Variants in DISP1 observed in about 807,000 individuals in gnomAD.
DISP1 encodes protein dispatched homolog 1.
A neutral mutation model predicts 37.3 loss-of-function variants in DISP1; 30 were observed. The ratio of observed to expected loss-of-function variants is 0.80; its 90% CI spans 0.60 to 1.09. The LOEUF is 1.09. Ranked by LOEUF, DISP1 falls within the 50% of genes least tolerant of loss-of-function variation. The probability of loss-of-function intolerance (pLI) is 0.00; values close to 1 mark genes in which losing one functional copy is unlikely to be tolerated. For synonymous variants in DISP1, 634 were observed against 690.2 expected (o/e 0.92, Z 1.28); for missense variants, 1,598 against 1,879.5 (o/e 0.85, Z 2.77).
At chr1:222,821,499 T>C (rs1338860584) in intron 1 of DISP1, among the ~76,000 whole-genome samples, 1 of 152,136 alleles carries the variant, frequency 6.6e-6, no homozygotes, top group African/African-American at 2.4e-5. Context: ...GGGACCTGGT[T>C]GAAGGTGATT....
chr1:222,848,947 A>C (rs1316794884), intron 1 of DISP1, among the ~76,000 whole-genome samples: 1 of 152,100 alleles, frequency 6.6e-6, no homozygotes, highest in African/African-American at 2.4e-5. Context: ...GCTTGATTGT[A>C]CCTCACCATA....
At chr1:222,974,172 T>A (rs1677152547) in intron 3 of DISP1, among the ~76,000 whole-genome samples, 1 of 152,204 alleles carries the variant, frequency 6.6e-6, no homozygotes, top group Non-Finnish European at 1.5e-5. Context: ...CATTTTTGGA[T>A]GAAAAAATAA....
intron 4 of DISP1, among the ~76,000 whole-genome samples, chr1:222,986,742 A>G (rs1678302631): frequency 6.6e-6 from 1 of 152,174 alleles, no homozygotes; most frequent in African/African-American, 2.4e-5. Context: ...GAACTTTTAT[A>G]CAGCAGTGCC....
At chr1:222,900,168 G>A (rs1365701309) in intron 1 of DISP1, among the ~76,000 whole-genome samples, 18 of 152,070 alleles carry the variant, frequency 1.2e-4, no homozygotes, top group Admixed American at 1.2e-3. Flanking sequence ...ATTGAATATA[G>A]TACAGCAGTT....
chr1:222,982,431 A>C (rs1179651159), intron 3 of DISP1, among the ~76,000 whole-genome samples: 1 of 152,220 alleles, frequency 6.6e-6, no homozygotes, highest in Non-Finnish European at 1.5e-5. Flanking sequence ...ATAGGAATAC[A>C]AAGTTTGGAG....
intron 1 of DISP1, among the ~76,000 whole-genome samples, chr1:222,864,245 G>A (rs1669051093): frequency 6.6e-6 from 1 of 152,114 alleles, no homozygotes; most frequent in Non-Finnish European, 1.5e-5. Flanking sequence ...TATATCCCAA[G>A]TATCTTGTTC....
At chr1:222,989,428 G>C (rs948928065) in intron 4 of DISP1, 2 of 985,224 alleles carry the variant, frequency 2.0e-6, no homozygotes, top group African/African-American at 1.7e-5. Flanking sequence ...GCTTCTGTTG[G>C]GTACTCAGCT....
intron 1 of DISP1, among the ~76,000 whole-genome samples, chr1:222,875,246 G>T (rs978542856): frequency 1.6e-4 from 25 of 151,966 alleles, no homozygotes; most frequent in African/African-American, 5.8e-4. Context: ...CCAGGAGGCG[G>T]AGGTTGCAGT....
chr1:222,959,700 C>A (rs1244095810), intron 3 of DISP1, among the ~76,000 whole-genome samples: 97 of 111,772 alleles, frequency 8.7e-4, no homozygotes, highest in South Asian at 1.2e-3. Context: ...AACTCTGTCT[C>A]AAAAAAAAAA....
At chr1:222,932,028 A>AT (rs1023766106) in intron 2 of DISP1, among the ~76,000 whole-genome samples, 1 of 151,970 alleles carries the variant, frequency 6.6e-6, no homozygotes. Flanking sequence ...AACAAGAGCA[A>AT]TAAAAAAAAG....
At chr1:222,908,226 A>G (rs1672017066) in intron 1 of DISP1, among the ~76,000 whole-genome samples, 1 of 152,186 alleles carries the variant, frequency 6.6e-6, no homozygotes, top group Admixed American at 6.5e-5. Context: ...TGATCTTAGA[A>G]GATAAAGTTA....
rs377202909 is a variant in DISP1 at position 222,956,468 on chromosome 1, T to A, written c.509+13136T>A. On this transcript the variant is annotated intron_variant, in intron 3 of 8. Transcript: ENST00000675850. ...AAGGTTATATATTCTGGATCTTTGT[T>A]TTTTAGGTATTAGTCTAGAACTTTA... Among the ~76,000 whole-genome samples, 6 of 152,318 alleles carry A rather than the reference T, an allele frequency of 3.9e-5. No homozygotes were observed. The East Asian group carries it at 7.7e-4, about 20-fold the overall frequency.
In DISP1 at chr1:222,942,869, A is replaced by G; in HGVS notation, c.46A>G (p.Ser16Gly). Residue 16 changes from serine to glycine, a missense_variant, in exon 3 of 9, where the codon AGC becomes GGC. Transcript: ENST00000675850. Reference protein sequence around the residue: ...GNNDFVVLSNSSIATSAANPS... With the variant: ...GNNDFVVLSNGSIATSAANPS... ...CAATGATTTTGTGGTTCTGAGCAAC[A>G]GCAGCATCGCAACCAGTGCTGCTAA... 1 of 1,614,196 alleles carries G rather than the reference A, an allele frequency of 6.2e-7. No homozygotes were observed. The highest frequency in any genetic ancestry group is 8.5e-7 in the Non-Finnish European group (1 of 1,180,036).
At chr1:222,888,828 G>A (rs914714488) in intron 1 of DISP1, among the ~76,000 whole-genome samples, 1 of 152,052 alleles carries the variant, frequency 6.6e-6, no homozygotes, top group African/African-American at 2.4e-5. Flanking sequence ...GTGTGTGTGT[G>A]TGTGTTTCTA....
intron 3 of DISP1, among the ~76,000 whole-genome samples, chr1:222,945,240 G>C (rs1048486870): frequency 6.6e-6 from 1 of 152,164 alleles, no homozygotes; most frequent in Admixed American, 6.5e-5. Flanking sequence ...GACTGGCTTT[G>C]AGAGTCGTTT....
At position 223,004,824 on chromosome 1, in the gene DISP1, A is replaced by T; in HGVS notation, c.3427A>T (p.Ile1143Phe). The T allele has an allele frequency of 6.2e-7, 1 of 1,611,074 alleles. No individual in the cohort carries two copies. Among genetic ancestry groups the T allele is most frequent in the Admixed American group, 1.7e-5 (1 of 60,012 alleles). The part of the protein sequence containing the change: ...CLGPQGTCGQ[I>F]PLPKKLQCSA... Reference sequence around the variant, plus strand: ...TGGACCACAGGGTACCTGTGGTCAGATTCCTTTACCTAAAAAACTACAGTG... The same window carrying T: ...TGGACCACAGGGTACCTGTGGTCAGTTTCCTTTACCTAAAAAACTACAGTG... The change falls in exon 9 of 9, where the codon ATT becomes TTT. Residue 1143 changes from isoleucine to phenylalanine, a missense_variant. By Grantham distance (21) the Ile-to-Phe change is conservative (BLOSUM62 0). Transcript: ENST00000675850. This position sits in a 1 kb window ranked among gnomAD's most constrained non-coding sequence, Gnocchi z 4.9.
chr1:222,902,938 A>G (rs1671680274), intron 1 of DISP1, among the ~76,000 whole-genome samples: 1 of 151,792 alleles, frequency 6.6e-6, no homozygotes, highest in Admixed American at 6.6e-5. Context: ...TGACCCAGCC[A>G]TCCCATTACT....
At chr1:222,972,261 A>G (rs968754262) in intron 3 of DISP1, among the ~76,000 whole-genome samples, 4 of 152,056 alleles carry the variant, frequency 2.6e-5, no homozygotes, top group African/African-American at 9.7e-5. Context: ...ATTTTGATTC[A>G]CATATTGATA....
At chr1:222,929,587 T>C (rs944175885) in intron 2 of DISP1, among the ~76,000 whole-genome samples, 1 of 152,160 alleles carries the variant, frequency 6.6e-6, no homozygotes, top group Non-Finnish European at 1.5e-5. Flanking sequence ...ATAATATTTA[T>C]AATTAAGAAA....
Sources: allele counts gnomAD v4.1 joint callset (sites outside exome capture counted in the v4.1 genomes callset), GRCh38; gene constraint gnomAD v4.1.1; non-coding constraint Gnocchi (gnomAD v3.1); transcripts MANE v1.5; gene names NCBI Gene and HGNC (gene_info 2026-07-23, HGNC 2026-07-21).